Variants in PIK3C2A observed in about 807,000 individuals in gnomAD.
PIK3C2A encodes phosphatidylinositol-4-phosphate 3-kinase catalytic subunit type 2 alpha, also known as phosphatidylinositol 4-phosphate 3-kinase C2 domain-containing subunit alpha.
Under a neutral mutation model 204.5 loss-of-function variants are expected in PIK3C2A, and 97 were observed. The ratio of observed to expected loss-of-function variants is 0.47; its 90% CI spans 0.40 to 0.56. The LOEUF is 0.56. Ranked by LOEUF, PIK3C2A falls within the 20% of genes least tolerant of loss-of-function variation. The pLI is 0.00. For missense variants in PIK3C2A, 1,735 were observed against 1,969.2 expected (o/e 0.88, Z 2.25); for synonymous variants, 653 against 664.4 (o/e 0.98, Z 0.26).
rs377161265 is a variant in PIK3C2A at position 17,095,518 on chromosome 11, G to A, written c.4327-1133C>T. 6.5e-4 allele frequency among the ~76,000 whole-genome samples: 98 copies of A among 151,538 alleles called. No homozygotes were observed. The South Asian group carries it at 0.019, about 29-fold the overall frequency. On this transcript the variant is annotated intron_variant, in intron 27 of 32. Coordinates refer to ENST00000691414, the MANE Select transcript of PIK3C2A (RefSeq NM_002645.4). ...AGGCAGGAGAATGGCGTGAACCCGG[G>A]AGGCAGAGCTTGCAGTGAGCTGAGA...
At chr11:17,101,461 A>T in intron 24 of PIK3C2A, 27 bp from the exon 25 acceptor site, 1 of 1,389,108 alleles carries the variant, frequency 7.2e-7, no homozygotes, top group Middle Eastern at 1.9e-4. Flanking sequence ...TACATACAAA[A>T]TATTATTTAC....
intron 1 of PIK3C2A, among the ~76,000 whole-genome samples, chr11:17,176,692 G>A (rs2137510852): frequency 6.6e-6 from 1 of 152,138 alleles, no homozygotes; most frequent in Middle Eastern, 3.4e-3. Flanking sequence ...AGACTGAGGT[G>A]GGAGGAACAC....
intron 26 of PIK3C2A, among the ~76,000 whole-genome samples, chr11:17,097,995 A>G (rs980541917): frequency 3.9e-5 from 6 of 152,232 alleles, no homozygotes; most frequent in Non-Finnish European, 8.8e-5. Flanking sequence ...AGAACTGTAG[A>G]ATTCAGTGTC....
At position 17,119,936 on chromosome 11, in the gene PIK3C2A, C is replaced by T. The variant is rs142618473; in HGVS notation, c.2696G>A (p.Arg899His). 1.3e-5 allele frequency: 21 copies of T among 1,601,526 alleles called. No individual in the cohort carries two copies. Among genetic ancestry groups the T allele is most frequent in the East Asian group, 2.2e-5 (1 of 44,590 alleles). ...ATTTGGGTGTTTGAAGCAATAATAA[C>T]GTTTCTCCCATAAAAAAGCTTTATC... ...KEDKAFLWEK[R>H]YYCFKHPNCL... Residue 899 changes from arginine to histidine, a missense_variant, in exon 16 of 33, where the codon CGT becomes CAT. Around this residue, in one of 6 missense-constraint regions of PIK3C2A, gnomAD observed 567 missense variants for 576.0 expected, o/e 0.98. Coordinates refer to ENST00000691414, the MANE Select transcript of PIK3C2A (RefSeq NM_002645.4).
At chr11:17,131,868 A>G in intron 12 of PIK3C2A, 48 bp downstream of exon 12, 1 of 1,523,096 alleles carries the variant, frequency 6.6e-7, no homozygotes, top group Non-Finnish European at 8.9e-7. Flanking sequence ...TGGAAAAAGT[A>G]AACAACAGGA....
intron 6 of PIK3C2A, among the ~76,000 whole-genome samples, chr11:17,146,759 TAAG>T (rs777875985): frequency 3.6e-4 from 54 of 151,570 alleles, no homozygotes; most frequent in Non-Finnish European, 6.0e-4. Context: ...CTTAAGAAAC[TAAG>T]AAGAAAAGTT....
At chr11:17,191,225 G>C (rs536529743) in intron 1 of PIK3C2A, among the ~76,000 whole-genome samples, 1 of 152,180 alleles carries the variant, frequency 6.6e-6, no homozygotes. Context: ...CTCTGCTCCT[G>C]AGAGGTAATC....
chr11:17,164,775 G>A (rs149401301), intron 2 of PIK3C2A, among the ~76,000 whole-genome samples: 35 of 152,222 alleles, frequency 2.3e-4, no homozygotes, highest in African/African-American at 7.2e-4. Context: ...TAGAGTTTGA[G>A]CAACTAGCAG....
At chr11:17,205,976 AG>A (rs888758707) in intron 1 of PIK3C2A, among the ~76,000 whole-genome samples, 2 of 152,050 alleles carry the variant, frequency 1.3e-5, no homozygotes, top group African/African-American at 4.8e-5. Flanking sequence ...CACAAAAATG[AG>A]CCATGTGTGG....
chr11:17,146,706 G>C (rs535407259), intron 6 of PIK3C2A, among the ~76,000 whole-genome samples: 1 of 150,718 alleles, frequency 6.6e-6, no homozygotes, highest in East Asian at 1.9e-4. Flanking sequence ...GGATGACAGA[G>C]GGAAACTCTG....
At chr11:17,110,080 G>A (rs1363116310) in intron 22 of PIK3C2A, among the ~76,000 whole-genome samples, 1 of 151,988 alleles carries the variant, frequency 6.6e-6, no homozygotes, top group African/African-American at 2.4e-5. Context: ...AGCCTCCTAA[G>A]CAGCTGGGAT....
chr11:17,167,534 T>A (rs1325042007), intron 2 of PIK3C2A, among the ~76,000 whole-genome samples: 1 of 152,162 alleles, frequency 6.6e-6, no homozygotes, highest in African/African-American at 2.4e-5. Context: ...GGCAGGAGAA[T>A]CGCTTGAACC....
At chr11:17,137,994 C>T in intron 8 of PIK3C2A, 3 of 594,324 alleles carry the variant, frequency 5.0e-6, no homozygotes, top group Non-Finnish European at 9.3e-6. Context: ...CTTTCTGACT[C>T]CCTGCTTGTG....
At chr11:17,115,542 GAAAAAAAGGA>G (rs1221831652) in intron 19 of PIK3C2A, 1 of 81,152 alleles carries the variant, frequency 1.2e-5, no homozygotes, top group Non-Finnish European at 2.5e-5. Context: ...TCATCTCAAG[GAAAAAAAGGA>G]AAAAAAAAAA....
chr11:17,130,350 T>C (rs1390402538), intron 12 of PIK3C2A, among the ~76,000 whole-genome samples: 1 of 152,228 alleles, frequency 6.6e-6, no homozygotes, highest in Non-Finnish European at 1.5e-5. Context: ...TTTCTACTTA[T>C]ATGCATTTTT....
chr11:17,196,242 T>C (rs1353997901), intron 1 of PIK3C2A, among the ~76,000 whole-genome samples: 1 of 152,150 alleles, frequency 6.6e-6, no homozygotes, highest in Admixed American at 6.5e-5. Flanking sequence ...ACCTCCAAGA[T>C]GGGGGATACT....
intron 8 of PIK3C2A, among the ~76,000 whole-genome samples, chr11:17,142,033 T>A (rs112940944): frequency 1.3e-5 from 2 of 152,132 alleles, no homozygotes; most frequent in Non-Finnish European, 2.9e-5. Flanking sequence ...ATATGAGGTA[T>A]CTCTGTACCT....
intron 22 of PIK3C2A, among the ~76,000 whole-genome samples, chr11:17,109,628 A>G (rs566183301): frequency 6.6e-6 from 1 of 152,300 alleles, no homozygotes; most frequent in South Asian, 2.1e-4. Context: ...CAGTAGCATG[A>G]TCATGGTTCA....
intron 27 of PIK3C2A, among the ~76,000 whole-genome samples, chr11:17,094,872 G>A (rs145312091): frequency 2.0e-5 from 3 of 152,300 alleles, no homozygotes; most frequent in African/African-American, 4.8e-5. Context: ...ATAGGAAAAA[G>A]CAAATATAAG....
Sources: allele counts gnomAD v4.1 joint callset (sites outside exome capture counted in the v4.1 genomes callset), GRCh38; gene constraint gnomAD v4.1.1; regional missense constraint gnomAD v4.1.1; transcripts MANE v1.5; gene names NCBI Gene and HGNC (gene_info 2026-07-23, HGNC 2026-07-21).